The following IP6K2 variants were observed in gnomAD, a reference collection of about 807,000 sequenced individuals.
The protein encoded by IP6K2 is inositol hexakisphosphate kinase 2, also known as ATP:1D-myo-inositol-hexakisphosphate phosphotransferase.
A neutral mutation model predicts 43.3 loss-of-function variants in IP6K2; 9 were observed. The ratio of observed to expected loss-of-function variants is 0.21; its 90% CI spans 0.13 to 0.36. The LOEUF (loss-of-function observed/expected upper bound fraction) is 0.36. Among genes scored for constraint, IP6K2 ranks in the 10% least tolerant of loss-of-function variants. The pLI, the probability that IP6K2 is intolerant of heterozygous loss-of-function variation, is 1.00. For synonymous variants in IP6K2, 209 were observed against 202.4 expected (o/e 1.03, Z -0.28); for missense variants, 332 against 538.4 (o/e 0.62, Z 3.79).
chr3:48,693,199 A>C lies in IP6K2; in HGVS notation c.203-20T>G, dbSNP rs2077953808. 1.3e-6 allele frequency: 2 copies of C among 1,586,792 alleles called. No individual in the cohort carries two copies. Among genetic ancestry groups the C allele is most frequent in the Non-Finnish European group, 1.7e-6 (2 of 1,155,472 alleles). The stretch of plus-strand genomic sequence containing the variant: ...CCACACCTGGAAGGGGGTGAGGAGC[A>C]GAAAGAACTTTTAATTTAGCAGGAA... On this transcript the variant is annotated intron_variant, in intron 2 of 5. Transcript: ENST00000328631.
intron 1 of IP6K2, chr3:48,715,279 A>G (rs2081067785): frequency 6.5e-7 from 1 of 1,535,848 alleles, no homozygotes; most frequent in African/African-American, 1.4e-5. Flanking sequence ...TCCCCAGTGC[A>G]TCCTCTTTAT....
intron 2 of IP6K2, chr3:48,694,423 G>T: frequency 6.5e-7 from 1 of 1,548,006 alleles, no homozygotes; most frequent in South Asian, 1.2e-5. Flanking sequence ...ACCAGGTAAT[G>T]CACATTTAAA....
intron 1 of IP6K2, among the ~76,000 whole-genome samples, chr3:48,697,069 G>C (rs2078440885): frequency 6.7e-6 from 1 of 148,758 alleles, no homozygotes; most frequent in Non-Finnish European, 1.5e-5. Context: ...CACCCAGACT[G>C]GAGTGCAGTG....
chr3:48,693,965 T>C (rs993234217), intron 2 of IP6K2: 22 of 1,376,154 alleles, frequency 1.6e-5, no homozygotes, highest in Non-Finnish European at 6.6e-6. Flanking sequence ...TGGGGGCGTT[T>C]CAGCAGGTGC....
intron 1 of IP6K2, among the ~76,000 whole-genome samples, chr3:48,716,639 G>A (rs964204128): frequency 2.1e-5 from 3 of 144,204 alleles, no homozygotes; most frequent in East Asian, 2.0e-4. Flanking sequence ...ACCATCTGAC[G>A]GGCCCAAATG....
rs147674965 is a variant in IP6K2 at position 48,694,084 on chromosome 3, C to G, written c.203-905G>C. ...CGACTGCTGCAGGGGAATGCGTGCT[C>G]AGAGAGAGATGACACTTCTGAGGTG... On this transcript the variant is annotated intron_variant, in intron 2 of 5. Transcript: ENST00000328631. The G allele has an allele frequency of 1.4e-5, 21 of 1,472,374 alleles. 1 individual carries two copies. In the South Asian group the frequency reaches 1.7e-4, roughly 12 times the overall value. The allele number at this position is 1,472,374 out of a possible 1,614,324, so 91.2% of individuals were successfully genotyped here.
At chr3:48,704,257 C>T (rs2079423559) in intron 1 of IP6K2, among the ~76,000 whole-genome samples, 1 of 152,172 alleles carries the variant, frequency 6.6e-6, no homozygotes, top group South Asian at 2.1e-4. Context: ...CTACCATCAA[C>T]CTCAGGAAAA....
chr3:48,693,525 T>A, intron 2 of IP6K2: 10 of 1,226,458 alleles, frequency 8.2e-6, no homozygotes, highest in Non-Finnish European at 9.3e-6. Flanking sequence ...TTGCTCTTTA[T>A]AGTTTGCGGG....
intron 2 of IP6K2, chr3:48,694,342 A>G: frequency 6.5e-7 from 1 of 1,547,886 alleles, no homozygotes; most frequent in Non-Finnish European, 8.7e-7. Context: ...GGCACCCAGT[A>G]CATTCTGTCC....
At chr3:48,705,677 A>ACAAGCCTTCT (rs1308821889) in intron 1 of IP6K2, among the ~76,000 whole-genome samples, 1 of 151,020 alleles carries the variant, frequency 6.6e-6, no homozygotes, top group Non-Finnish European at 1.5e-5. Flanking sequence ...AAGGCTATTC[A>ACAAGCCTTCT]CAAGCCTTCT....
chr3:48,708,115 C>T (rs2080031394), intron 1 of IP6K2: 1 of 151,932 alleles, frequency 6.6e-6, no homozygotes, highest in Non-Finnish European at 1.5e-5. Flanking sequence ...TGCAATGGCG[C>T]ATACCTGTGG....
At chr3:48,703,085 T>A (rs1445929681) in intron 1 of IP6K2, among the ~76,000 whole-genome samples, 1 of 152,236 alleles carries the variant, frequency 6.6e-6, no homozygotes, top group Admixed American at 6.5e-5. Context: ...TTCCACCTTA[T>A]AAGTCTGCAT....
In IP6K2 at chr3:48,689,604, G is replaced by C; in HGVS notation, c.714C>G (p.Ala238=). 1.9e-6 allele frequency: 3 copies of C among 1,614,198 alleles called. No individual in the cohort carries two copies. Among genetic ancestry groups the C allele is most frequent in the Non-Finnish European group, 2.5e-6 (3 of 1,180,048 alleles). ...TCTGCTGACATTTTCGGATCTGGTTGGCTGCCTTCTCCTCTGAAGCATCAT... is the reference window on the plus strand; with the variant it reads ...TCTGCTGACATTTTCGGATCTGGTTCGCTGCCTTCTCCTCTGAAGCATCAT... ...HGDDASEEKA[A]NQIRKCQQST... The change falls in exon 5 of 6, where the codon GCC becomes GCG. Residue 238 remains alanine, a synonymous_variant. Coordinates refer to ENST00000328631, the MANE Select transcript of IP6K2 (RefSeq NM_016291.4).
At chr3:48,693,597 G>A (rs1422803588) in intron 2 of IP6K2, 10 of 1,162,528 alleles carry the variant, frequency 8.6e-6, no homozygotes, top group African/African-American at 3.2e-5. Flanking sequence ...AGCAGAGCCT[G>A]AATACAGGGG....
chr3:48,703,145 C>A (rs1459302740), intron 1 of IP6K2, among the ~76,000 whole-genome samples: 3 of 152,186 alleles, frequency 2.0e-5, no homozygotes, highest in East Asian at 3.8e-4. Context: ...TCATCTGAGA[C>A]CTGCTGGTGT....
intron 1 of IP6K2, among the ~76,000 whole-genome samples, chr3:48,712,853 C>CA (rs1343874102): frequency 6.6e-6 from 1 of 151,868 alleles, no homozygotes; most frequent in Non-Finnish European, 1.5e-5. Context: ...CCCATCACTA[C>CA]AAAAATACAA....
intron 1 of IP6K2, among the ~76,000 whole-genome samples, chr3:48,705,691 A>T (rs1313152058): frequency 6.6e-6 from 1 of 151,346 alleles, no homozygotes; most frequent in Non-Finnish European, 1.5e-5. Context: ...GCCTTCTCTA[A>T]AAGAATTATT....
chr3:48,704,092 AAAAAG>A (rs549076782), intron 1 of IP6K2, among the ~76,000 whole-genome samples: 23 of 152,220 alleles, frequency 1.5e-4, no homozygotes, highest in African/African-American at 2.9e-4. Context: ...CTCTATCTCA[AAAAAG>A]AAAAGAAAAG....
chr3:48,701,190 T>C (rs960948389), intron 1 of IP6K2, among the ~76,000 whole-genome samples: 1 of 151,482 alleles, frequency 6.6e-6, no homozygotes, highest in Non-Finnish European at 1.5e-5. Flanking sequence ...GTCAACATGG[T>C]GAAACCCCAT....
Sources: allele counts gnomAD v4.1 joint callset (sites outside exome capture counted in the v4.1 genomes callset), GRCh38; gene constraint gnomAD v4.1.1; transcripts MANE v1.5; gene names NCBI Gene and HGNC (gene_info 2026-07-23, HGNC 2026-07-21).